Variants in GRM4 observed in about 807,000 individuals in gnomAD.
GRM4 encodes glutamate metabotropic receptor 4, also known as metabotropic glutamate receptor 4.
A neutral mutation model predicts 81.7 loss-of-function variants in GRM4; 28 were observed. The ratio of observed to expected loss-of-function variants is 0.34; its 90% CI spans 0.25 to 0.47. The LOEUF is 0.47. Among genes scored for constraint, GRM4 ranks in the 20% least tolerant of loss-of-function variants. The probability of loss-of-function intolerance (pLI) is 1.00; values close to 1 mark genes in which losing one functional copy is unlikely to be tolerated. For synonymous variants in GRM4, 488 were observed against 528.8 expected, an observed-to-expected ratio of 0.92 and a Z score of 1.06; for missense variants, 948 against 1,290.0, an observed-to-expected ratio of 0.73 and a Z score of 4.06.
chr6:34,110,782 C>T, intron 2 of GRM4: 1 of 1,425,600 alleles, frequency 7.0e-7, no homozygotes, highest in South Asian at 1.5e-5. Flanking sequence ...AAGTGGTGCC[C>T]CTCCCTGGCC....
At chr6:34,129,877 C>G (rs1199678453) in intron 2 of GRM4, among the ~76,000 whole-genome samples, 1 of 152,176 alleles carries the variant, frequency 6.6e-6, no homozygotes. Flanking sequence ...CACCTGAGTG[C>G]CCCCACACCC....
chr6:34,122,802 G>A (rs922188932), intron 2 of GRM4, among the ~76,000 whole-genome samples: 4 of 152,150 alleles, frequency 2.6e-5, no homozygotes, highest in South Asian at 4.1e-4. Context: ...GACCAAGAGC[G>A]GTTCAGCCCA....
chr6:34,155,253 C>T (rs1163221092), exon 1 of GRM4: 3 of 1,534,506 alleles, frequency 2.0e-6, no homozygotes, highest in Non-Finnish European at 2.6e-6. Context: ...AGGACCTGGG[C>T]GGGAGGCGGC....
In GRM4 at chr6:34,059,243, A is replaced by G; in HGVS notation, c.873-115T>C. ...TCACCCCCAGAAGCCCAGGGTCCAC[A>G]ACTGTCCCAGCACCGATGCTTTCAC... On this transcript the variant is annotated intron_variant, in intron 4 of 10. Coordinates refer to ENST00000538487, the MANE Select transcript of GRM4 (RefSeq NM_000841.4). This position sits in a 1 kb window ranked among gnomAD's most constrained non-coding sequence, Gnocchi z 5.7. The G allele has an allele frequency of 1.1e-6, 1 of 904,828 alleles. No individual in the cohort carries two copies. Among genetic ancestry groups the G allele is most frequent in the Non-Finnish European group, 1.7e-6 (1 of 578,866 alleles). 56.0% of individuals were successfully genotyped at this position (904,828 alleles called of 1,614,324 possible). A position where few individuals can be genotyped will look rare whatever the true frequency, so the allele number is the denominator to read the frequency against.
Position 34,127,685 on chromosome 6 carries a change from G to A in GRM4, c.519+5293C>T, listed in dbSNP as rs369052161. 1.3e-4 allele frequency among the ~76,000 whole-genome samples: 20 copies of A among 152,300 alleles called. No homozygotes were observed. The South Asian group carries it at 2.9e-3, about 22-fold the overall frequency. Reference sequence around the variant, plus strand: ...GGGCTGGGTAAGAGACTATGGGGATGGAGGCCGTGAGGAGTTGTCATGCCC... The same window carrying A: ...GGGCTGGGTAAGAGACTATGGGGATAGAGGCCGTGAGGAGTTGTCATGCCC... On this transcript the variant is annotated intron_variant, in intron 2 of 10. Coordinates refer to ENST00000538487, the MANE Select transcript of GRM4 (RefSeq NM_000841.4).
chr6:34,130,454 C>T lies in GRM4; in HGVS notation c.519+2524G>A, dbSNP rs370680678. Among the ~76,000 whole-genome samples the T allele has an allele frequency of 1.3e-5, 2 of 152,188 alleles. No homozygotes were observed. Among genetic ancestry groups the T allele is most frequent in the Non-Finnish European group, 1.5e-5 (1 of 68,040 alleles). On this transcript the variant is annotated intron_variant, in intron 2 of 10. Coordinates refer to ENST00000538487, the MANE Select transcript of GRM4 (RefSeq NM_000841.4). The surrounding 1 kb of genome is among the most constrained non-coding windows in gnomAD (Gnocchi z 4.1). ...AGGCACAGACCAAACTGAGACCACA[C>T]CATGCTCCTCTGTGGCCAGACAAAC...
At position 34,153,953 on chromosome 6, in the gene GRM4, G is replaced by A. The variant is rs1005551431; in HGVS notation, c.312+1126C>T. Among the ~76,000 whole-genome samples, 3 of 150,544 alleles carry A rather than the reference G, an allele frequency of 2.0e-5. 1 individual carries two copies. Among genetic ancestry groups the A allele is most frequent in the Non-Finnish European group, 3.0e-5 (2 of 67,752 alleles). On this transcript the variant is annotated intron_variant, in intron 1 of 8. Transcript: ENST00000374177. ...AAAAAAAAAAAAAAAGTTGAAGCCA[G>A]GAAAGACCCCCTGTATTCCTGGGAG... is the stretch of plus-strand genomic sequence containing the variant.
At chr6:34,045,913 C>A (rs1402492571) in intron 6 of GRM4, among the ~76,000 whole-genome samples, 2 of 152,242 alleles carry the variant, frequency 1.3e-5, no homozygotes, top group African/African-American at 4.8e-5. Flanking sequence ...GCATTTGGCT[C>A]TGCCATGGGT....
At chr6:34,132,530 C>T (rs1035042662) in intron 2 of GRM4, among the ~76,000 whole-genome samples, 2 of 152,174 alleles carry the variant, frequency 1.3e-5, no homozygotes, top group Non-Finnish European at 2.9e-5. Context: ...TGGCAATCTC[C>T]AGCATTCATA....
At position 34,139,664 on chromosome 6, in the gene GRM4, C is replaced by T. The variant is rs572866202; in HGVS notation, c.-363-5805G>A. Among the ~76,000 whole-genome samples the T allele has an allele frequency of 1.2e-4, 19 of 152,324 alleles. No individual in the cohort carries two copies. The East Asian group carries it at 3.5e-3, about 28-fold the overall frequency. On this transcript the variant is annotated intron_variant, in intron 1 of 10. Transcript: ENST00000538487. The stretch of plus-strand genomic sequence containing the variant: ...ATCTCTATGTTCCCCACGCCCAGTC[C>T]GAGGTTCAGAACACAGGAAAGACTC...
chr6:34,101,992 C>T (rs537401729), intron 2 of GRM4: 1 of 1,534,772 alleles, frequency 6.5e-7, no homozygotes, highest in East Asian at 2.4e-5. Context: ...CCCTAGTGGC[C>T]AGGTCAGGGC....
At chr6:34,054,915 AC>A (rs1214198948) in intron 6 of GRM4, 1 of 152,212 alleles carries the variant, frequency 6.6e-6, no homozygotes, top group African/African-American at 2.4e-5. Flanking sequence ...GACAGGATGC[AC>A]GGTCACCCCA....
intron 2 of GRM4, among the ~76,000 whole-genome samples, chr6:34,110,497 A>G (rs1769329458): frequency 6.8e-6 from 1 of 146,266 alleles, no homozygotes; most frequent in African/African-American, 2.5e-5. Context: ...CAGCCTTTGC[A>G]TGTGCAGTGC....
chr6:34,152,232 G>A lies in GRM4; in HGVS notation c.312+2847C>T, dbSNP rs1209173245. ...CAGCTGACAAGACAGAGAGCTGGAC[G>A]TAGGCCCCGGGACCTCCCACCGGCA... On this transcript the variant is annotated intron_variant, in intron 1 of 8. Coordinates refer to the GRM4 transcript ENST00000374177. This position sits in a 1 kb window ranked among gnomAD's most constrained non-coding sequence, Gnocchi z 4.1. Among the ~76,000 whole-genome samples the A allele has an allele frequency of 6.6e-5, 10 of 152,146 alleles. No individual in the cohort carries two copies. The East Asian group carries it at 1.5e-3, about 23-fold the overall frequency.
intron 10 of GRM4, among the ~76,000 whole-genome samples, chr6:34,023,237 G>A (rs1440739063): frequency 6.6e-6 from 1 of 152,184 alleles, no homozygotes; most frequent in African/African-American, 2.4e-5. Flanking sequence ...TCCCCAGCAC[G>A]GGGCCCCTGC....
intron 9 of GRM4, among the ~76,000 whole-genome samples, chr6:34,032,557 A>G (rs3778049): frequency 0.14 from 20,863 of 152,190 alleles, 1,627 homozygotes; most frequent in East Asian, 0.34. Context: ...GGAGAGGTGT[A>G]TGTCCCATGT....
intron 1 of GRM4, among the ~76,000 whole-genome samples, chr6:34,138,810 G>C (rs2127515098): frequency 6.6e-6 from 1 of 152,332 alleles, no homozygotes; most frequent in Non-Finnish European, 1.5e-5. Context: ...TTGTGGAGGT[G>C]AATGAATGAC....
chr6:34,142,554 G>C lies in GRM4; in HGVS notation c.-364+3446C>G, dbSNP rs1770735261. On this transcript the variant is annotated intron_variant, in intron 1 of 10. Transcript: ENST00000538487. ...TGCTGCCAGCTGTCCCCCGCAGCAG[G>C]GTGGGGATGGGTGTGGCCACACATC... 3.3e-5 allele frequency among the ~76,000 whole-genome samples: 5 copies of C among 152,354 alleles called. No individual in the cohort carries two copies. In the South Asian group the frequency reaches 1.0e-3, roughly 32 times the overall value.
intron 2 of GRM4, among the ~76,000 whole-genome samples, chr6:34,125,802 G>A (rs530378693): frequency 1.3e-5 from 2 of 152,222 alleles, no homozygotes; most frequent in Admixed American, 6.5e-5. Context: ...CACCACAGTG[G>A]GGGTTTGGGG....
Sources: gnomAD v4.1 joint callset for allele counts (sites outside exome capture counted in the v4.1 genomes callset) on GRCh38, gnomAD v4.1.1 for gene constraint, Gnocchi (gnomAD v3.1) non-coding constraint, MANE v1.5 for transcripts, NCBI Gene and HGNC (gene_info 2026-07-23, HGNC 2026-07-21) for gene names.